Variants in GNAQ observed in about 807,000 individuals in gnomAD.
GNAQ encodes G protein subunit alpha q, also known as guanine nucleotide-binding protein G(q) subunit alpha.
A neutral mutation model predicts 43.9 loss-of-function variants in GNAQ; 8 were observed. That is an observed-to-expected ratio of 0.18 (90% CI 0.11 to 0.33). GNAQ has a LOEUF of 0.33. Among genes scored for constraint, GNAQ ranks in the 10% least tolerant of loss-of-function variants. GNAQ has a pLI of 1.00. For synonymous variants in GNAQ, 155 were observed against 170.7 expected, an observed-to-expected ratio of 0.91 and a Z score of 0.71; for missense variants, 158 against 450.8, an observed-to-expected ratio of 0.35 and a Z score of 5.88.
At chr9:77,726,537 G>A (rs1825398818) in intron 6 of GNAQ, among the ~76,000 whole-genome samples, 1 of 152,196 alleles carries the variant, frequency 6.6e-6, no homozygotes, top group South Asian at 2.1e-4. Context: ...TATCATCATA[G>A]AAAGCTATGA....
At chr9:77,844,441 A>G (rs776965910) in intron 2 of GNAQ, among the ~76,000 whole-genome samples, 2 of 152,202 alleles carry the variant, frequency 1.3e-5, no homozygotes, top group Non-Finnish European at 2.9e-5. Flanking sequence ...ATATAACCAG[A>G]GACAAATGCA....
intron 1 of GNAQ, among the ~76,000 whole-genome samples, chr9:77,942,633 C>T (rs1395387321): frequency 2.0e-5 from 3 of 152,172 alleles, no homozygotes; most frequent in Admixed American, 1.3e-4. Context: ...AATCAATCAA[C>T]ACCCCACCAC....
intron 5 of GNAQ, among the ~76,000 whole-genome samples, chr9:77,763,507 C>T (rs1826088445): frequency 6.6e-6 from 1 of 152,198 alleles, no homozygotes; most frequent in Admixed American, 6.5e-5. Context: ...CAATTGTCCT[C>T]ACCCCACCCC....
At chr9:77,726,368 G>A (rs1200604556) in intron 6 of GNAQ, among the ~76,000 whole-genome samples, 3 of 152,168 alleles carry the variant, frequency 2.0e-5, no homozygotes, top group African/African-American at 7.2e-5. Flanking sequence ...ATCCACAAAT[G>A]TTTATATTTT....
intron 1 of GNAQ, among the ~76,000 whole-genome samples, chr9:78,002,936 G>C (rs548790525): frequency 6.6e-6 from 1 of 152,004 alleles, no homozygotes; most frequent in African/African-American, 2.4e-5. Flanking sequence ...GAGATACACA[G>C]GAGGTCTCAA....
intron 1 of GNAQ, among the ~76,000 whole-genome samples, chr9:77,957,334 C>T (rs181164218): frequency 9.5e-4 from 144 of 151,556 alleles, no homozygotes; most frequent in Admixed American, 1.5e-3. Context: ...CCAGCCCAGG[C>T]GACAGTGCAA....
chr9:78,026,586 GA>G (rs1823983199), intron 1 of GNAQ, among the ~76,000 whole-genome samples: 1 of 152,088 alleles, frequency 6.6e-6, no homozygotes, highest in Non-Finnish European at 1.5e-5. Context: ...AGGTTACTTA[GA>G]CCAAGGCTTT....
chr9:77,760,168 C>CTCTA, intron 5 of GNAQ, among the ~76,000 whole-genome samples: 1 of 147,974 alleles, frequency 6.8e-6, no homozygotes, highest in East Asian at 2.0e-4. Flanking sequence ...TTATACCCAC[C>CTCTA]TCTATCTAGT....
intron 1 of GNAQ, among the ~76,000 whole-genome samples, chr9:77,924,517 T>A (rs1829041007): frequency 6.6e-6 from 1 of 152,212 alleles, no homozygotes; most frequent in Non-Finnish European, 1.5e-5. Context: ...TTTCTCCTGG[T>A]CACCTGAGAA....
At chr9:77,954,618 C>T (rs1042222966) in intron 1 of GNAQ, among the ~76,000 whole-genome samples, 4 of 152,142 alleles carry the variant, frequency 2.6e-5, no homozygotes, top group Admixed American at 2.6e-4. Flanking sequence ...TGCTATATTT[C>T]AAAGAATGTT....
chr9:77,729,436 A>G (rs1825451148), intron 5 of GNAQ, among the ~76,000 whole-genome samples: 1 of 152,128 alleles, frequency 6.6e-6, no homozygotes. Flanking sequence ...TCTGAAGAAA[A>G]TTAGTCAGCT....
Position 77,815,687 on chromosome 9 carries a change from T to C in GNAQ, c.405A>G (p.Leu135=). ...ATTCCTGGATTCCAGGATCATTCCATAAACTCTTTATTGCATCTACATATG... is the reference window on the plus strand; with the variant it reads ...ATTCCTGGATTCCAGGATCATTCCACAAACTCTTTATTGCATCTACATATG... ...ENPYVDAIKS[L]WNDPGIQECY... is the part of the protein sequence containing the mutation. Residue 135 remains leucine (L), a synonymous_variant, in exon 3 of 7, where the codon TTA becomes TTG. Coordinates refer to ENST00000286548, the MANE Select transcript of GNAQ (RefSeq NM_002072.5). 4 of 1,597,886 alleles carry C rather than the reference T, an allele frequency of 2.5e-6. No individual in the cohort carries two copies. Among genetic ancestry groups the C allele is most frequent in the Non-Finnish European group, 3.4e-6 (4 of 1,165,454 alleles).
intron 2 of GNAQ, among the ~76,000 whole-genome samples, chr9:77,921,385 A>G (rs966653551): frequency 2.0e-5 from 3 of 152,218 alleles, no homozygotes; most frequent in Non-Finnish European, 4.4e-5. Context: ...CAAACATGGG[A>G]CAACACTCAG....
At chr9:77,790,883 G>A (rs1449588316) in intron 5 of GNAQ, among the ~76,000 whole-genome samples, 1 of 152,132 alleles carries the variant, frequency 6.6e-6, no homozygotes, top group African/African-American at 2.4e-5. Context: ...GAGGTCAGCT[G>A]GTAGATTCTG....
At chr9:77,851,332 G>T (rs1230722629) in intron 2 of GNAQ, among the ~76,000 whole-genome samples, 1 of 152,092 alleles carries the variant, frequency 6.6e-6, no homozygotes, top group Admixed American at 6.5e-5. Flanking sequence ...TATTGTGTAG[G>T]ACATGCCTCC....
intron 1 of GNAQ, among the ~76,000 whole-genome samples, chr9:77,947,540 C>G (rs1822919567): frequency 6.6e-6 from 1 of 152,178 alleles, no homozygotes; most frequent in South Asian, 2.1e-4. Flanking sequence ...TCTGAAATGT[C>G]TAAAGCACTC....
intron 2 of GNAQ, among the ~76,000 whole-genome samples, chr9:77,901,851 C>T (rs1481755930): frequency 1.3e-5 from 2 of 152,208 alleles, no homozygotes; most frequent in African/African-American, 4.8e-5. Flanking sequence ...CACTCAGTGT[C>T]TGCTGAGAGC....
chr9:77,789,152 C>A (rs1001923109), intron 5 of GNAQ, among the ~76,000 whole-genome samples: 1 of 152,186 alleles, frequency 6.6e-6, no homozygotes, highest in Admixed American at 6.5e-5. Context: ...CCAATCCTTA[C>A]TGTCCTTTCA....
chr9:77,995,340 C>T (rs766118417), intron 1 of GNAQ, among the ~76,000 whole-genome samples: 6 of 152,220 alleles, frequency 3.9e-5, no homozygotes, highest in African/African-American at 1.4e-4. Context: ...TTAATTTTTA[C>T]AATCCAAAGA....
Sources: gnomAD v4.1 joint callset for allele counts (sites outside exome capture counted in the v4.1 genomes callset) on GRCh38, gnomAD v4.1.1 for gene constraint, MANE v1.5 for transcripts, NCBI Gene and HGNC (gene_info 2026-07-23, HGNC 2026-07-21) for gene names.